The following MTMR3 variants were observed in gnomAD, a reference collection of about 807,000 sequenced individuals.
MTMR3 encodes phosphatidylinositol-3,5-bisphosphate 3-phosphatase MTMR3.
Under a neutral mutation model 132.4 loss-of-function variants are expected in MTMR3, and 32 were observed. The observed-to-expected ratio is 0.24, with a 90% CI of 0.18 to 0.32. The LOEUF is 0.32. Among genes scored for constraint, MTMR3 ranks in the 10% least tolerant of loss-of-function variants. The pLI is 1.00. For synonymous variants in MTMR3, 556 were observed against 550.3 expected (o/e 1.01, Z -0.14); for missense variants, 1,216 against 1,489.6 (o/e 0.82, Z 3.02).
rs879791742 is a variant in MTMR3 at position 30,025,938 on chromosome 22, C to T, written c.*137C>T. 8 of 822,592 alleles carry T rather than the reference C, an allele frequency of 9.7e-6. No homozygotes were observed. The highest frequency in any genetic ancestry group is 5.0e-5 in the South Asian group (3 of 59,880). The allele number at this position is 822,592 out of a possible 1,614,324, so 51.0% of individuals were successfully genotyped here. On this transcript the variant is annotated 3_prime_UTR_variant, in exon 20 of 20. Coordinates refer to ENST00000401950, the MANE Select transcript of MTMR3 (RefSeq NM_021090.4). ...TGTACAGAGTGACAGATTTGGGATG[C>T]ACCACTGGATTGTAGATTGATTTTT...
rs143721064 is a variant in MTMR3 at position 30,020,200 on chromosome 22, C to G, written c.2541C>G (p.Asp847Glu). ...TRGPNVDSST[D>E]MLVEDKVKSV... is the part of the protein sequence containing the mutation. ...GACCAAACGTGGACAGTTCTACAGA[C>G]ATGTTAGTGGAAGATAAGGTGAAGT... Residue 847 changes from aspartate (D) to glutamate (E), a missense_variant, in exon 17 of 20, where the codon GAC (aspartate) becomes GAG (glutamate). This residue lies in a region of MTMR3 where 852 missense variants were observed against 852.0 expected (regional missense o/e 1.00). Coordinates refer to ENST00000401950, the MANE Select transcript of MTMR3 (RefSeq NM_021090.4). The G allele has an allele frequency of 5.9e-5, 96 of 1,614,228 alleles. No homozygotes were observed. The highest frequency in any genetic ancestry group is 8.1e-5 in the Non-Finnish European group (95 of 1,180,050).
intron 1 of MTMR3, among the ~76,000 whole-genome samples, chr22:29,927,668 T>TGTGCATGCAATAAG (rs372046273): frequency 2.5e-3 from 381 of 152,230 alleles, no homozygotes; most frequent in African/African-American, 8.8e-3. Flanking sequence ...TCTAAAGCAG[T>TGTGCATGCAATAAG]GTGCATGCAA....
chr22:29,912,795 A>G (rs1057113232), intron 1 of MTMR3, among the ~76,000 whole-genome samples: 2 of 152,196 alleles, frequency 1.3e-5, no homozygotes, highest in Admixed American at 6.5e-5. Flanking sequence ...AAACTTGACC[A>G]TTGGCCAAGA....
At chr22:29,992,270 G>C (rs960863861) in intron 7 of MTMR3, 2 of 152,300 alleles carry the variant, frequency 1.3e-5, no homozygotes, top group African/African-American at 4.8e-5. Flanking sequence ...AGTAGAGACG[G>C]GGTTTCTCCA....
Position 30,020,887 on chromosome 22 carries a change from G to A in MTMR3, c.3225+3G>A, listed in dbSNP as rs368872379. On this transcript the variant is annotated splice_donor_region_variant and intron_variant, in intron 17 of 19. Transcript: ENST00000401950. ...ATGGAGACTTTGGGGATGAGGTGGT[G>A]AGTAGGCTGTGGTATTCCTCCATAG... is the stretch of plus-strand genomic sequence containing the variant. 395 of 1,575,330 alleles carry A rather than the reference G, an allele frequency of 2.5e-4. 3 individuals are homozygous for A. The highest frequency in any genetic ancestry group is 6.7e-4 in the Admixed American group (36 of 54,064).
chr22:29,899,545 A>T (rs1435846280), intron 1 of MTMR3: 1 of 152,076 alleles, frequency 6.6e-6, no homozygotes, highest in African/African-American at 2.4e-5. Context: ...CTTCATATTG[A>T]TCATTGTTTT....
intron 7 of MTMR3, 100 bp downstream of exon 7, chr22:29,991,770 A>G: frequency 3.2e-6 from 4 of 1,258,990 alleles, no homozygotes; most frequent in South Asian, 3.3e-5. Flanking sequence ...TCATATATCA[A>G]TCAGTGTATA....
At chr22:30,006,954 G>A in intron 9 of MTMR3, 160 bp from the exon 10 acceptor site, 1 of 651,304 alleles carries the variant, frequency 1.5e-6, no homozygotes, top group Non-Finnish European at 2.6e-6. Context: ...GTTCTTGTTG[G>A]TTGTGTAAGA....
Position 29,903,012 on chromosome 22 carries a change from C to G in MTMR3, c.-138+19653C>G, listed in dbSNP as rs980352761. ...CCGAGGAGGGCAGATCACTTGAGGT[C>G]AGGAGTTCGAGGCCACCGCCTAGGC... On this transcript the variant is annotated intron_variant, in intron 1 of 19. Coordinates refer to ENST00000401950, the MANE Select transcript of MTMR3 (RefSeq NM_021090.4). Among the ~76,000 whole-genome samples the G allele has an allele frequency of 7.2e-5, 11 of 152,276 alleles. 1 individual carries two copies. In the East Asian group the frequency reaches 1.9e-3, roughly 27 times the overall value.
At chr22:29,931,729 A>C (rs2065648633) in intron 1 of MTMR3, among the ~76,000 whole-genome samples, 1 of 152,094 alleles carries the variant, frequency 6.6e-6, no homozygotes, top group South Asian at 2.1e-4. Context: ...GCTATGTTTT[A>C]AAAAAATAAT....
intron 1 of MTMR3, among the ~76,000 whole-genome samples, chr22:29,905,730 C>T (rs1412388941): frequency 6.6e-6 from 1 of 152,040 alleles, no homozygotes; most frequent in Non-Finnish European, 1.5e-5. Flanking sequence ...TTTATGTATT[C>T]GGTGTTTTTG....
At chr22:29,906,716 G>A (rs1360819791) in intron 1 of MTMR3, among the ~76,000 whole-genome samples, 1 of 152,078 alleles carries the variant, frequency 6.6e-6, no homozygotes, top group Non-Finnish European at 1.5e-5. Flanking sequence ...TTCCTGTACT[G>A]TGGAACTACT....
chr22:29,902,068 TATG>T (rs1446878921), intron 1 of MTMR3, among the ~76,000 whole-genome samples: 1 of 152,102 alleles, frequency 6.6e-6, no homozygotes, highest in African/African-American at 2.4e-5. Flanking sequence ...TTTAAAAAAA[TATG>T]GTGCCTAGAA....
rs1812950003 is a variant in MTMR3 at position 30,028,998 on chromosome 22, GC to G, written c.*3199del. ...TCCAGCAAATTAAAACACTGGCATG[GC>G]CTAGGAAGGGCGTTGCGAGCTCCTA... On this transcript the variant is annotated 3_prime_UTR_variant, in exon 20 of 20. Transcript: ENST00000401950. The G allele has an allele frequency of 6.6e-6, 1 of 152,378 alleles. No homozygotes were observed. The highest frequency in any genetic ancestry group is 1.5e-5 in the Non-Finnish European group (1 of 68,066). The allele number at this position is 152,378 out of a possible 1,614,324, so 9.4% of individuals were successfully genotyped here.
At chr22:30,017,897 A>G (rs371476075) in intron 15 of MTMR3, 30 bp from the exon 16 acceptor site, 120 of 1,611,810 alleles carry the variant, frequency 7.4e-5, no homozygotes, top group Non-Finnish European at 9.9e-5. Flanking sequence ...ATTGGGGCAT[A>G]TTTAAACCTG....
chr22:29,915,498 T>A (rs2065291501), intron 1 of MTMR3, among the ~76,000 whole-genome samples: 1 of 152,206 alleles, frequency 6.6e-6, no homozygotes, highest in Non-Finnish European at 1.5e-5. Context: ...CTTGGCTCAC[T>A]GCAACCTCAG....
intron 1 of MTMR3, among the ~76,000 whole-genome samples, chr22:29,914,736 T>C (rs2065277842): frequency 6.6e-6 from 1 of 152,162 alleles, no homozygotes; most frequent in Non-Finnish European, 1.5e-5. Flanking sequence ...GACATTTGGG[T>C]CTGTGAAACA....
chr22:30,030,386 C>T lies in MTMR3; in HGVS notation c.*4585C>T, dbSNP rs1423876556. ...AAACATAACCCATGAGGCTCAGATG[C>T]TGTTGAAGAAATAAATGGTATGTTG... On this transcript the variant is annotated 3_prime_UTR_variant, in exon 20 of 20. Transcript: ENST00000401950. 1 of 151,834 alleles carries T rather than the reference C, an allele frequency of 6.6e-6. No individual in the cohort carries two copies. The highest frequency in any genetic ancestry group is 2.4e-5 in the African/African-American group (1 of 41,280). The allele number at this position is 151,834 out of a possible 1,614,324, so 9.4% of individuals were successfully genotyped here. A position where few individuals can be genotyped will look rare whatever the true frequency, so the allele number is the denominator to read the frequency against.
chr22:29,975,919 A>G (rs1006647165), intron 3 of MTMR3, among the ~76,000 whole-genome samples: 4 of 152,178 alleles, frequency 2.6e-5, no homozygotes, highest in Non-Finnish European at 4.4e-5. Flanking sequence ...GTGGTTCTTT[A>G]AAGGTTAGTT....
Sources: gnomAD v4.1 joint callset for allele counts (sites outside exome capture counted in the v4.1 genomes callset) on GRCh38, gnomAD v4.1.1 for gene constraint, gnomAD v4.1.1 regional missense constraint, MANE v1.5 for transcripts, NCBI Gene and HGNC (gene_info 2026-07-23, HGNC 2026-07-21) for gene names.